KLHL7: variants seen among roughly 807,000 people sequenced by gnomAD.
The protein encoded by KLHL7 is kelch-like protein 7.
In KLHL7, 44 loss-of-function variants were observed where a neutral mutation model predicts 67.4. That is an observed-to-expected ratio of 0.65 (90% CI 0.51 to 0.84). The LOEUF (loss-of-function observed/expected upper bound fraction) is 0.84, where lower values mean the gene tolerates loss of function less well. KLHL7 is among the 40% of genes least tolerant of loss of function. KLHL7 has a pLI of 0.00. For synonymous variants in KLHL7, 252 were observed against 243.3 expected (o/e 1.04, Z -0.33); for missense variants, 362 against 718.1 (o/e 0.50, Z 5.67).
At chr7:23,142,090 G>A (rs1317175290) in intron 5 of KLHL7, among the ~76,000 whole-genome samples, 1 of 151,932 alleles carries the variant, frequency 6.6e-6, no homozygotes, top group Non-Finnish European at 1.5e-5. Context: ...TGCTAATTGA[G>A]ATGGGGTTTC....
At chr7:23,136,454 C>A (rs1489689447) in intron 4 of KLHL7, among the ~76,000 whole-genome samples, 2 of 152,030 alleles carry the variant, frequency 1.3e-5, no homozygotes, top group African/African-American at 4.8e-5. Flanking sequence ...ATAGCATTGC[C>A]CAGAAATCTC....
intron 2 of KLHL7, among the ~76,000 whole-genome samples, chr7:23,124,263 A>C (rs868067131): frequency 9.2e-5 from 14 of 151,414 alleles, no homozygotes; most frequent in Non-Finnish European, 1.8e-4. Flanking sequence ...AAAGACAAAG[A>C]AGCAGATAAA....
intron 1 of KLHL7, among the ~76,000 whole-genome samples, chr7:23,108,154 C>G (rs1340534640): frequency 6.6e-6 from 1 of 152,220 alleles, no homozygotes; most frequent in Non-Finnish European, 1.5e-5. Context: ...ATGACAAGGA[C>G]CCCTCTGTAA....
Position 23,177,547 on chromosome 7 carries a change from C to T in KLHL7, c.*3249C>T, listed in dbSNP as rs1018945795. 2.6e-5 allele frequency: 4 copies of T among 152,156 alleles called. No homozygotes were observed. The allele number at this position is 152,156 out of a possible 1,614,324, so 9.4% of individuals were successfully genotyped here. A position where few individuals can be genotyped will look rare whatever the true frequency, so the allele number is the denominator to read the frequency against. On this transcript the variant is annotated 3_prime_UTR_variant, in exon 11 of 11. Transcript: ENST00000339077. ...AATATCAGGATAGTGCGTAAAAGTACACTCACCATACTGACAAGCACATTT... is the reference window on the plus strand; with the variant it reads ...AATATCAGGATAGTGCGTAAAAGTATACTCACCATACTGACAAGCACATTT...
intron 4 of KLHL7, among the ~76,000 whole-genome samples, chr7:23,135,767 A>C (rs770209954): frequency 3.9e-5 from 6 of 152,228 alleles, no homozygotes; most frequent in Non-Finnish European, 7.3e-5. Context: ...CTGTGTAAAA[A>C]TAAGTTGGTC....
chr7:23,156,101 C>A (rs370781208), intron 7 of KLHL7: 4 of 371,130 alleles, frequency 1.1e-5, no homozygotes, highest in East Asian at 8.6e-5. Flanking sequence ...CCTAATTGCA[C>A]TTTGAAAATT....
chr7:23,135,460 T>A (rs1032744048), intron 4 of KLHL7, among the ~76,000 whole-genome samples: 1 of 152,246 alleles, frequency 6.6e-6, no homozygotes, highest in Non-Finnish European at 1.5e-5. Flanking sequence ...TGGTCTATAG[T>A]GCAGATTAAG....
chr7:23,126,536 G>A (rs1783580081), intron 4 of KLHL7, among the ~76,000 whole-genome samples: 1 of 152,140 alleles, frequency 6.6e-6, no homozygotes, highest in African/African-American at 2.4e-5. Context: ...TGACCCAGGA[G>A]AAAAGAAGAG....
intron 7 of KLHL7, among the ~76,000 whole-genome samples, chr7:23,163,477 C>A (rs1307836493): frequency 6.6e-6 from 1 of 152,094 alleles, no homozygotes; most frequent in East Asian, 1.9e-4. Context: ...CGGCCCGAAG[C>A]TTTTACTCTT....
At chr7:23,163,372 AT>A (rs1167615393) in intron 7 of KLHL7, among the ~76,000 whole-genome samples, 1 of 152,112 alleles carries the variant, frequency 6.6e-6, no homozygotes, top group Admixed American at 6.5e-5. Flanking sequence ...GGGTTTCACC[AT>A]GTTGGCCAGG....
In KLHL7 at chr7:23,106,758, G is replaced by C. The variant is rs188659044; in HGVS notation, c.120+612G>C. The C allele has an allele frequency of 3.8e-5, 37 of 985,772 alleles. No homozygotes were observed. In the African/African-American group the frequency reaches 5.8e-4, roughly 15 times the overall value. The allele number at this position is 985,772 out of a possible 1,614,324, so 61.1% of individuals were successfully genotyped here. On this transcript the variant is annotated intron_variant, in intron 1 of 10. Transcript: ENST00000339077. The stretch of plus-strand genomic sequence containing the variant: ...GCTCTTTGTTCTGTCCTTGGTGTGT[G>C]GTGCATTCGTGAAATTCTGCAGCAC...
At chr7:23,145,331 A>T (rs560325160) in intron 6 of KLHL7, among the ~76,000 whole-genome samples, 1 of 146,100 alleles carries the variant, frequency 6.8e-6, no homozygotes, top group South Asian at 2.1e-4. Flanking sequence ...TAATTTCTGG[A>T]GTTTTTATTC....
chr7:23,107,107 T>C (rs760005914), intron 1 of KLHL7, among the ~76,000 whole-genome samples: 23 of 152,234 alleles, frequency 1.5e-4, no homozygotes, highest in Non-Finnish European at 2.5e-4. Context: ...TATGAAGATA[T>C]TAACTTCTGG....
At chr7:23,121,995 T>C (rs1783370814) in intron 1 of KLHL7, among the ~76,000 whole-genome samples, 1 of 152,190 alleles carries the variant, frequency 6.6e-6, no homozygotes, top group Non-Finnish European at 1.5e-5. Context: ...CCATCTCTTA[T>C]TGGAAATTAT....
chr7:23,157,399 T>G (rs1784738774), intron 7 of KLHL7, among the ~76,000 whole-genome samples: 1 of 152,204 alleles, frequency 6.6e-6, no homozygotes, highest in Admixed American at 6.5e-5. Flanking sequence ...TGAGTATCCC[T>G]TAAGCTTCCT....
At chr7:23,141,664 C>G (rs1032087457) in intron 5 of KLHL7, among the ~76,000 whole-genome samples, 1 of 151,874 alleles carries the variant, frequency 6.6e-6, no homozygotes, top group African/African-American at 2.4e-5. Flanking sequence ...GCTCTGTTGC[C>G]CAGGCTGGAA....
At position 23,119,136 on chromosome 7, in the gene KLHL7, TAC is replaced by T. The variant is rs1783222752; in HGVS notation, c.121-4635_121-4634del. ...AAATTTATTCCCTCACCTCCTTCTCTACACACAGTTACCCCTATCATTAACAT... is the reference window on the plus strand; with the variant it reads ...AAATTTATTCCCTCACCTCCTTCTCTACACAGTTACCCCTATCATTAACAT... On this transcript the variant is annotated intron_variant, in intron 1 of 10. Transcript: ENST00000339077. 2.0e-5 allele frequency among the ~76,000 whole-genome samples: 3 copies of T among 152,224 alleles called. No homozygotes were observed. In the South Asian group the frequency reaches 6.2e-4, roughly 31 times the overall value.
At chr7:23,141,767 T>C (rs1784191897) in intron 5 of KLHL7, among the ~76,000 whole-genome samples, 2 of 151,954 alleles carry the variant, frequency 1.3e-5, no homozygotes, top group East Asian at 1.9e-4. Context: ...GGACTACTGG[T>C]GCCCGCCACC....
At chr7:23,125,328 G>C (rs1160060423) in intron 4 of KLHL7, 156 bp downstream of exon 4, 6 of 691,138 alleles carry the variant, frequency 8.7e-6, no homozygotes, top group Non-Finnish European at 1.4e-5. Flanking sequence ...GAGGGGCTTA[G>C]AGAGATGCAT....
Sources: allele counts gnomAD v4.1 joint callset (sites outside exome capture counted in the v4.1 genomes callset), GRCh38; gene constraint gnomAD v4.1.1; transcripts MANE v1.5; gene names NCBI Gene and HGNC (gene_info 2026-07-23, HGNC 2026-07-21).